Variants in ATXN8OS observed in about 807,000 individuals in gnomAD.
ATXN8OS encodes the protein ATXN8 opposite strand (non-protein coding).
At chr13:70,121,961 A>C (rs1384780508) in intron 2 of ATXN8OS, among the ~76,000 whole-genome samples, 1 of 152,022 alleles carries the variant, frequency 6.6e-6, no homozygotes, top group Non-Finnish European at 1.5e-5. Context: ...GGCAGTTATT[A>C]ATATTTTTAG....
intron 2 of ATXN8OS, among the ~76,000 whole-genome samples, chr13:70,117,164 A>G (rs1040225385): frequency 2.6e-5 from 4 of 152,024 alleles, no homozygotes; most frequent in African/African-American, 9.7e-5. Context: ...ATTACACTAG[A>G]AAGTTGCTAA....
chr13:70,127,256 A>T (rs1490474509), intron 2 of ATXN8OS, among the ~76,000 whole-genome samples: 1 of 152,050 alleles, frequency 6.6e-6, no homozygotes, highest in African/African-American at 2.4e-5. Context: ...AAATTGCTCA[A>T]GGTAGGAGAT....
intron 3 of ATXN8OS, among the ~76,000 whole-genome samples, chr13:70,142,134 T>C (rs1416175381): frequency 6.6e-6 from 1 of 152,164 alleles, no homozygotes; most frequent in Admixed American, 6.5e-5. Flanking sequence ...TCCACCTGCC[T>C]CGGCCTCCCA....
intron 4 of ATXN8OS, among the ~76,000 whole-genome samples, chr13:70,167,805 G>A (rs1359988743): frequency 7.7e-6 from 1 of 129,116 alleles, no homozygotes. Context: ...GCGCGATCTC[G>A]GCTCACTGCA....
At chr13:70,136,282 A>G (rs577024707) in intron 3 of ATXN8OS, among the ~76,000 whole-genome samples, 1 of 152,280 alleles carries the variant, frequency 6.6e-6, no homozygotes, top group East Asian at 1.9e-4. Flanking sequence ...ATAGCAACTC[A>G]AAGTACAGGG....
intron 4 of ATXN8OS, among the ~76,000 whole-genome samples, chr13:70,158,730 T>C (rs1888966456): frequency 6.6e-6 from 1 of 152,184 alleles, no homozygotes; most frequent in Non-Finnish European, 1.5e-5. Context: ...TGATATAACA[T>C]TATTTATGGG....
chr13:70,146,123 CA>C (rs1253133810), intron 3 of ATXN8OS, among the ~76,000 whole-genome samples: 6 of 148,302 alleles, frequency 4.0e-5, no homozygotes, highest in African/African-American at 1.5e-4. Context: ...AGACACTTCT[CA>C]AAAGAAGACT....
At chr13:70,142,495 G>T (rs1158577343) in intron 3 of ATXN8OS, among the ~76,000 whole-genome samples, 2 of 152,162 alleles carry the variant, frequency 1.3e-5, no homozygotes, top group Non-Finnish European at 2.9e-5. Context: ...CTATGTTTTA[G>T]CAATTGTGTA....
chr13:70,144,676 T>C (rs551058212), intron 3 of ATXN8OS, among the ~76,000 whole-genome samples: 15 of 152,242 alleles, frequency 9.9e-5, no homozygotes, highest in Admixed American at 2.0e-4. Context: ...GTCATTCTCA[T>C]AGCAGAAATT....
At chr13:70,141,620 GTATA>G (rs547304203) in intron 3 of ATXN8OS, among the ~76,000 whole-genome samples, 1 of 151,658 alleles carries the variant, frequency 6.6e-6, no homozygotes, top group Admixed American at 6.6e-5. Context: ...GTGTGTGTAC[GTATA>G]TATATAACCA....
intron 1 of ATXN8OS, among the ~76,000 whole-genome samples, chr13:70,109,127 G>T (rs1472859836): frequency 6.6e-6 from 1 of 152,254 alleles, no homozygotes; most frequent in Non-Finnish European, 1.5e-5. Flanking sequence ...TACTATGCAT[G>T]GAAGAGTTTA....
At chr13:70,164,760 C>T (rs964903870) in intron 4 of ATXN8OS, among the ~76,000 whole-genome samples, 3 of 151,970 alleles carry the variant, frequency 2.0e-5, no homozygotes, top group Non-Finnish European at 4.4e-5. Flanking sequence ...GTTCAAGTTG[C>T]CTGGAGCCCT....
intron 3 of ATXN8OS, among the ~76,000 whole-genome samples, chr13:70,146,930 A>T (rs939535914): frequency 1.3e-5 from 2 of 152,124 alleles, no homozygotes; most frequent in African/African-American, 2.4e-5. Context: ...TGAAATTTTA[A>T]AAAAAGTGTC....
chr13:70,144,507 A>G (rs1421335203), intron 3 of ATXN8OS, among the ~76,000 whole-genome samples: 1 of 152,156 alleles, frequency 6.6e-6, no homozygotes, highest in Admixed American at 6.6e-5. Flanking sequence ...GTAATATTCC[A>G]CTGAATTCAA....
At chr13:70,139,799 A>G (rs1298637973) in intron 3 of ATXN8OS, among the ~76,000 whole-genome samples, 1 of 152,156 alleles carries the variant, frequency 6.6e-6, no homozygotes, top group Non-Finnish European at 1.5e-5. Context: ...TTTCCTTTAT[A>G]AAGGTACCTT....
At chr13:70,145,250 G>A (rs890791028) in intron 3 of ATXN8OS, among the ~76,000 whole-genome samples, 4 of 152,098 alleles carry the variant, frequency 2.6e-5, no homozygotes, top group African/African-American at 9.7e-5. Flanking sequence ...TTTGGTTACT[G>A]TAGCCTTGTA....
intron 3 of ATXN8OS, among the ~76,000 whole-genome samples, chr13:70,142,527 A>G (rs1041655754): frequency 6.6e-6 from 1 of 152,132 alleles, no homozygotes; most frequent in Non-Finnish European, 1.5e-5. Context: ...GTATTACTTT[A>G]TATGTGTTAG....
At chr13:70,139,312 T>C (rs1161841914) in intron 3 of ATXN8OS, 1 of 572,266 alleles carries the variant, frequency 1.7e-6, no homozygotes, top group African/African-American at 1.9e-5. Flanking sequence ...CCCAATTCCT[T>C]GGCTAGACCC....
At chr13:70,157,637 T>C (rs568194115) in intron 4 of ATXN8OS, among the ~76,000 whole-genome samples, 2 of 152,232 alleles carry the variant, frequency 1.3e-5, no homozygotes, top group African/African-American at 4.8e-5. Context: ...GCTCATTCTC[T>C]CTTATTGAAC....
Sources: allele counts gnomAD v4.1 joint callset (sites outside exome capture counted in the v4.1 genomes callset), GRCh38; gene constraint gnomAD v4.1.1; transcripts MANE v1.5; gene names NCBI Gene and HGNC (gene_info 2026-07-23, HGNC 2026-07-21).